Variants in CADM2 observed in about 807,000 individuals in gnomAD.
CADM2 encodes the protein immunoglobulin superfamily member 4D.
CADM2 carries 12 observed loss-of-function variants against 49.8 expected under a neutral mutation model. The ratio of observed to expected loss-of-function variants is 0.24; its 90% CI spans 0.15 to 0.39. The LOEUF (loss-of-function observed/expected upper bound fraction) is 0.39, where lower values mean the gene tolerates loss of function less well. CADM2 is among the 10% of genes least tolerant of loss of function. The probability of loss-of-function intolerance (pLI) is 1.00; values close to 1 mark genes in which losing one functional copy is unlikely to be tolerated. For missense variants in CADM2, 378 were observed against 492.3 expected (o/e 0.77, Z 2.20); for synonymous variants, 214 against 175.4 (o/e 1.22, Z -1.74).
intron 1 of CADM2, among the ~76,000 whole-genome samples, chr3:85,628,628 C>T (rs1377672875): frequency 2.4e-4 from 14 of 57,484 alleles, no homozygotes; most frequent in African/African-American, 8.5e-4. Context: ...TACATATATA[C>T]GCATATATAC....
chr3:85,685,620 T>C (rs1050342461), intron 1 of CADM2, among the ~76,000 whole-genome samples: 6 of 146,398 alleles, frequency 4.1e-5, no homozygotes, highest in Admixed American at 1.4e-4. Flanking sequence ...TCTTTCTTTT[T>C]TTTTTTTTTT....
At chr3:85,350,043 T>C (rs889990947) in intron 1 of CADM2, among the ~76,000 whole-genome samples, 10 of 152,222 alleles carry the variant, frequency 6.6e-5, no homozygotes, top group African/African-American at 1.9e-4. Flanking sequence ...AAGGTATTTC[T>C]GAAATAATAA....
At chr3:85,744,915 T>C (rs2068553782) in intron 2 of CADM2, among the ~76,000 whole-genome samples, 1 of 152,190 alleles carries the variant, frequency 6.6e-6, no homozygotes, top group African/African-American at 2.4e-5. Context: ...ATGCTCTGCC[T>C]TATGAATTTA....
At chr3:85,728,323 G>A (rs1325010815) in intron 2 of CADM2, among the ~76,000 whole-genome samples, 1 of 152,110 alleles carries the variant, frequency 6.6e-6, no homozygotes, top group Non-Finnish European at 1.5e-5. Flanking sequence ...ATACTAGCCT[G>A]TAGGGGCCTT....
At chr3:85,225,895 G>T (rs1042134794) in intron 1 of CADM2, among the ~76,000 whole-genome samples, 11 of 152,146 alleles carry the variant, frequency 7.2e-5, no homozygotes, top group Admixed American at 6.6e-4. Context: ...TTATGTGATG[G>T]ATTACGTTTA....
chr3:85,241,848 G>C (rs2107837179), intron 1 of CADM2, among the ~76,000 whole-genome samples: 1 of 151,442 alleles, frequency 6.6e-6, no homozygotes, highest in South Asian at 2.1e-4. Context: ...TTCTGTTAAG[G>C]AAAAGGTAGA....
intron 1 of CADM2, among the ~76,000 whole-genome samples, chr3:84,974,736 A>G (rs1385242660): frequency 6.6e-6 from 1 of 151,992 alleles, no homozygotes; most frequent in Non-Finnish European, 1.5e-5. Context: ...TACAGTAGAT[A>G]AAAACCTTCC....
intron 8 of CADM2, among the ~76,000 whole-genome samples, chr3:86,009,424 T>C (rs1420102125): frequency 6.6e-6 from 1 of 151,536 alleles, no homozygotes; most frequent in Non-Finnish European, 1.5e-5. Context: ...TTCATTGTTT[T>C]TTACTATTAT....
intron 1 of CADM2, among the ~76,000 whole-genome samples, chr3:85,598,138 A>G (rs1463694678): frequency 6.6e-6 from 1 of 152,016 alleles, no homozygotes; most frequent in Non-Finnish European, 1.5e-5. Context: ...TCTTTCTCCC[A>G]TTCCAGACAT....
intron 1 of CADM2, among the ~76,000 whole-genome samples, chr3:85,279,201 C>G (rs12637719): frequency 0.082 from 12,405 of 151,490 alleles, 1,038 homozygotes; most frequent in Admixed American, 0.26. Context: ...TGTAGCTAAT[C>G]ACTTCAATAA....
chr3:85,245,985 A>G (rs932692512), intron 1 of CADM2, among the ~76,000 whole-genome samples: 1 of 152,216 alleles, frequency 6.6e-6, no homozygotes, highest in Non-Finnish European at 1.5e-5. Flanking sequence ...CAAAGTCTGC[A>G]CTTCACTTCC....
At chr3:85,043,714 A>G (rs1405039425) in intron 1 of CADM2, among the ~76,000 whole-genome samples, 2 of 151,982 alleles carry the variant, frequency 1.3e-5, no homozygotes, top group Non-Finnish European at 2.9e-5. Flanking sequence ...TGACAACTTC[A>G]GGCACCATAT....
chr3:85,796,075 C>A (rs1207891404), intron 2 of CADM2, among the ~76,000 whole-genome samples: 1 of 152,138 alleles, frequency 6.6e-6, no homozygotes, highest in Non-Finnish European at 1.5e-5. Flanking sequence ...TGCTCTTTTT[C>A]CACTTATTTA....
At chr3:85,031,812 G>T (rs566184350) in intron 1 of CADM2, among the ~76,000 whole-genome samples, 11 of 152,218 alleles carry the variant, frequency 7.2e-5, no homozygotes, top group Admixed American at 3.3e-4. Flanking sequence ...GAGCCACCAC[G>T]CCCGGCCCAG....
intron 2 of CADM2, among the ~76,000 whole-genome samples, chr3:85,787,779 G>A (rs987656204): frequency 2.6e-5 from 4 of 152,080 alleles, no homozygotes; most frequent in African/African-American, 9.7e-5. Context: ...TGTAGAATAA[G>A]TGTAAGCTCC....
At chr3:86,037,906 C>A (rs1194699696) in intron 8 of CADM2, among the ~76,000 whole-genome samples, 3 of 152,050 alleles carry the variant, frequency 2.0e-5, no homozygotes. Flanking sequence ...ATACATGTGC[C>A]ATGGCGGTTT....
intron 3 of CADM2, among the ~76,000 whole-genome samples, chr3:85,844,580 TA>T (rs1003100164): frequency 6.6e-6 from 1 of 152,150 alleles, no homozygotes; most frequent in African/African-American, 2.4e-5. Flanking sequence ...CTTTCTGAAG[TA>T]AATACTCAGT....
At chr3:85,601,098 GTAAT>G (rs1263075529) in intron 1 of CADM2, among the ~76,000 whole-genome samples, 8 of 136,642 alleles carry the variant, frequency 5.9e-5, no homozygotes, top group Admixed American at 3.8e-4. Context: ...AGTGCAAAAA[GTAAT>G]TAATATACTG....
intron 8 of CADM2, among the ~76,000 whole-genome samples, chr3:86,060,687 T>C (rs1738528002): frequency 1.3e-5 from 2 of 152,086 alleles, no homozygotes; most frequent in South Asian, 4.1e-4. Context: ...TACAATTTAA[T>C]TAAAAAATAA....
Sources: allele counts gnomAD v4.1 joint callset (sites outside exome capture counted in the v4.1 genomes callset), GRCh38; gene constraint gnomAD v4.1.1; transcripts MANE v1.5; gene names NCBI Gene and HGNC (gene_info 2026-07-23, HGNC 2026-07-21).